Variants in EGF observed in about 807,000 individuals in gnomAD.
The protein encoded by EGF is pro-epidermal growth factor.
EGF carries 95 observed loss-of-function variants against 143.8 expected under a neutral mutation model. That is an observed-to-expected ratio of 0.66 (90% CI 0.56 to 0.78). The LOEUF is 0.78. Ranked by LOEUF, EGF falls within the 30% of genes least tolerant of loss-of-function variation. EGF has a pLI of 0.00. For missense variants in EGF, 1,320 were observed against 1,470.9 expected (o/e 0.90, Z 1.68); for synonymous variants, 510 against 510.5 (o/e 1.00, Z 0.01).
chr4:109,986,504 A>G (rs1045467490), intron 16 of EGF, among the ~76,000 whole-genome samples: 8 of 152,192 alleles, frequency 5.3e-5, no homozygotes, highest in African/African-American at 1.9e-4. Flanking sequence ...AGCAAATCAA[A>G]TGCAATTACC....
intron 1 of EGF, among the ~76,000 whole-genome samples, chr4:109,919,593 A>C (rs1451276002): frequency 1.4e-5 from 2 of 147,484 alleles, no homozygotes; most frequent in Non-Finnish European, 2.9e-5. Context: ...AGAGGACTTC[A>C]GTAAAAGTTA....
chr4:109,935,443 G>A (rs554043285), intron 1 of EGF, among the ~76,000 whole-genome samples: 49 of 152,294 alleles, frequency 3.2e-4, no homozygotes, highest in African/African-American at 1.2e-3. Context: ...TCAGCTTAAG[G>A]AGATTTTGGG....
intron 5 of EGF, among the ~76,000 whole-genome samples, chr4:109,952,146 A>G (rs1023547095): frequency 2.0e-5 from 3 of 152,186 alleles, no homozygotes; most frequent in African/African-American, 7.2e-5. Context: ...GTGTGGGAAC[A>G]TTTTTGTACA....
chr4:109,969,931 A>G (rs1747298825), intron 11 of EGF, among the ~76,000 whole-genome samples: 1 of 152,244 alleles, frequency 6.6e-6, no homozygotes, highest in South Asian at 2.1e-4. Flanking sequence ...GGGAGCTGCC[A>G]TGGAATGAGC....
Position 109,974,754 on chromosome 4 carries a change from C to A in EGF, c.1776C>A (p.Ile592=), listed in dbSNP as rs748801663. 5.0e-6 allele frequency: 8 copies of A among 1,613,582 alleles called. No individual in the cohort carries two copies. The South Asian group carries it at 8.8e-5, about 18-fold the overall frequency. The change falls in exon 12 of 24, where the codon ATC becomes ATA. Residue 592 remains isoleucine, a synonymous_variant. Transcript: ENST00000265171. The part of the protein sequence containing the change: ...SDLNGKRSKI[I]TKENISQPRG... ...TAAATGGGAAACGTTCCAAAATAAT[C>A]ACTAAGGAGAACATCTCTCAACCAC...
chr4:110,011,359 A>C lies in EGF; in HGVS notation c.3528A>C (p.Glu1176Asp), dbSNP rs1376347465. 1.9e-6 allele frequency: 3 copies of C among 1,614,148 alleles called. No homozygotes were observed. Among genetic ancestry groups the C allele is most frequent in the Admixed American group, 3.3e-5 (2 of 60,020 alleles). The change falls in exon 24 of 24, where the codon GAA (glutamate) becomes GAC (aspartate). Residue 1176 changes from glutamate to aspartate, a missense_variant. By Grantham distance (45) the Glu-to-Asp change is conservative. Around this residue, in one of 5 missense-constraint regions of EGF, gnomAD observed 1,186 missense variants for 1,313.7 expected, o/e 0.90. Transcript: ENST00000265171. ...CCTCCTATGGGACACAGACCCTTGA[A>C]GGGGGTGTCGAGAAGCCCCATTCTC... ...HMPSYGTQTL[E>D]GGVEKPHSLL...
intron 5 of EGF, among the ~76,000 whole-genome samples, chr4:109,956,696 G>C (rs1450890989): frequency 2.0e-5 from 3 of 152,064 alleles, no homozygotes; most frequent in Non-Finnish European, 4.4e-5. Flanking sequence ...TCATAGGCAA[G>C]AAATAAAATT....
At chr4:110,002,040 G>T in intron 21 of EGF, 1 of 985,336 alleles carries the variant, frequency 1.0e-6, no homozygotes, top group Non-Finnish European at 1.2e-6. Flanking sequence ...ATACTCAACT[G>T]TACCAACAAA....
At chr4:109,914,938 C>A (rs988251504) in intron 1 of EGF, among the ~76,000 whole-genome samples, 1 of 152,080 alleles carries the variant, frequency 6.6e-6, no homozygotes, top group Non-Finnish European at 1.5e-5. Context: ...ATGGTTGGGC[C>A]GATCTATCAG....
At chr4:109,975,914 A>G (rs926724438) in intron 12 of EGF, 98 bp from the exon 13 acceptor site, 7 of 1,306,156 alleles carry the variant, frequency 5.4e-6, no homozygotes, top group Middle Eastern at 2.6e-4. Flanking sequence ...CCACTTTAGT[A>G]TATCATGAGG....
intron 1 of EGF, among the ~76,000 whole-genome samples, chr4:109,919,301 C>CA (rs1197508533): frequency 7.9e-6 from 1 of 126,320 alleles, no homozygotes; most frequent in Admixed American, 7.9e-5. Flanking sequence ...CTCTCTCTCT[C>CA]TCTCTCTCTC....
chr4:109,951,185 A>G (rs1248685104), intron 5 of EGF, among the ~76,000 whole-genome samples: 3 of 151,254 alleles, frequency 2.0e-5, no homozygotes, highest in Admixed American at 1.3e-4. Context: ...ATAAAATAAA[A>G]TAAAATAAAA....
chr4:109,971,466 C>T (rs1348258777), intron 11 of EGF, among the ~76,000 whole-genome samples: 1 of 152,082 alleles, frequency 6.6e-6, no homozygotes, highest in African/African-American at 2.4e-5. Flanking sequence ...CTAAGGATGC[C>T]AAGTCTTCTC....
At chr4:109,962,743 C>T (rs904293652) in intron 8 of EGF, among the ~76,000 whole-genome samples, 10 of 152,068 alleles carry the variant, frequency 6.6e-5, no homozygotes, top group Non-Finnish European at 1.5e-4. Flanking sequence ...TGATTGCAGC[C>T]ATATGAATGA....
chr4:109,977,802 T>A (rs141725152), intron 13 of EGF, among the ~76,000 whole-genome samples: 4 of 152,308 alleles, frequency 2.6e-5, no homozygotes, highest in African/African-American at 9.6e-5. Flanking sequence ...ATTGTGCAAC[T>A]GTACTCCAGC....
At chr4:109,961,102 AC>A in intron 7 of EGF, 113 bp downstream of exon 7, 2 of 1,231,436 alleles carry the variant, frequency 1.6e-6, no homozygotes, top group Non-Finnish European at 2.3e-6. Flanking sequence ...CATCATAATT[AC>A]CTTTGAGTTT....
chr4:109,914,052 A>C (rs994255245), intron 1 of EGF, among the ~76,000 whole-genome samples: 1 of 152,192 alleles, frequency 6.6e-6, no homozygotes, highest in Non-Finnish European at 1.5e-5. Context: ...TTGCAACTTT[A>C]AGAACTGCCA....
chr4:109,959,228 G>T, intron 5 of EGF, 84 bp from the exon 6 acceptor site: 1 of 1,594,156 alleles, frequency 6.3e-7, no homozygotes, highest in Non-Finnish European at 8.6e-7. Flanking sequence ...AGGGAGGTAA[G>T]ACCTCTTAAG....
chr4:109,942,105 C>T (rs1489901433), intron 2 of EGF, among the ~76,000 whole-genome samples: 1 of 152,216 alleles, frequency 6.6e-6, no homozygotes, highest in South Asian at 2.1e-4. Context: ...AGGATGGCTA[C>T]TCATTATCCT....
Sources: gnomAD v4.1 joint callset for allele counts (sites outside exome capture counted in the v4.1 genomes callset) on GRCh38, gnomAD v4.1.1 for gene constraint, gnomAD v4.1.1 regional missense constraint, MANE v1.5 for transcripts, NCBI Gene and HGNC (gene_info 2026-07-23, HGNC 2026-07-21) for gene names.